STK3: variants seen among roughly 807,000 people sequenced by gnomAD.
The protein encoded by STK3 is serine/threonine-protein kinase 3.
In STK3, 41 loss-of-function variants were observed where a neutral mutation model predicts 58.0. That is an observed-to-expected ratio of 0.71 (90% CI 0.55 to 0.92). The LOEUF is 0.92. STK3 is among the 40% of genes least tolerant of loss of function. The pLI is 0.00. For synonymous variants in STK3, 170 were observed against 191.0 expected (o/e 0.89, Z 0.91); for missense variants, 479 against 602.7 (o/e 0.79, Z 2.15).
chr8:98,396,851 T>C (rs1438085366), downstream of STK3, among the ~76,000 whole-genome samples: 1 of 152,228 alleles, frequency 6.6e-6, no homozygotes, highest in Non-Finnish European at 1.5e-5. Context: ...ATTTAACATG[T>C]TTGACTCTGC....
chr8:98,770,772 T>C (rs1339270267), intron 2 of STK3, among the ~76,000 whole-genome samples: 1 of 151,940 alleles, frequency 6.6e-6, no homozygotes, highest in Non-Finnish European at 1.5e-5. Flanking sequence ...GCTCCTTGAG[T>C]TTAATAGATA....
At chr8:98,691,855 C>T (rs1381759430) in intron 6 of STK3, among the ~76,000 whole-genome samples, 1 of 151,108 alleles carries the variant, frequency 6.6e-6, no homozygotes, top group Non-Finnish European at 1.5e-5. Flanking sequence ...TCGCTTGAAC[C>T]TGGGAGGTGG....
intron 7 of STK3, among the ~76,000 whole-genome samples, chr8:98,587,513 T>G (rs1814753409): frequency 6.6e-6 from 1 of 152,158 alleles, no homozygotes; most frequent in African/African-American, 2.4e-5. Context: ...GAGATTTACT[T>G]CAAAGTATGT....
intron 4 of STK3, among the ~76,000 whole-genome samples, chr8:98,748,160 A>T (rs1829760185): frequency 6.6e-6 from 1 of 152,186 alleles, no homozygotes; most frequent in African/African-American, 2.4e-5. Context: ...TGATAACTTT[A>T]AATACCAAAT....
At chr8:98,440,564 CGTGTGT>C (rs59209840) in intron 1 of STK3, among the ~76,000 whole-genome samples, 1 of 149,940 alleles carries the variant, frequency 6.7e-6, no homozygotes, top group Non-Finnish European at 1.5e-5. Flanking sequence ...TACATAAGCA[CGTGTGT>C]GTGTGTGTGT....
In STK3 at chr8:98,375,310, G is replaced by A. The variant is rs115552052; in HGVS notation, n.112-3632C>T. ...AAAAAAAACCTATTATACTTAGCTAGTGCAATAAGACAAGAAAAAGAAATG... is the reference window on the plus strand; with the variant it reads ...AAAAAAAACCTATTATACTTAGCTAATGCAATAAGACAAGAAAAAGAAATG... On this transcript the variant is annotated intron_variant and non_coding_transcript_variant, in intron 2 of 2. Coordinates refer to the STK3 transcript ENST00000518704. 9.3e-3 allele frequency among the ~76,000 whole-genome samples: 1,401 copies of A among 150,644 alleles called. 23 individuals are homozygous for A. The highest frequency in any genetic ancestry group is 0.032 in the African/African-American group (1,310 of 41,188).
At chr8:98,928,338 G>A (rs1170968612) in intron 1 of STK3, among the ~76,000 whole-genome samples, 2 of 152,170 alleles carry the variant, frequency 1.3e-5, no homozygotes, top group Non-Finnish European at 2.9e-5. Flanking sequence ...TGGATTTATA[G>A]CATACTGCAA....
At chr8:98,907,393 G>A (rs1327311407) in intron 1 of STK3, among the ~76,000 whole-genome samples, 1 of 151,708 alleles carries the variant, frequency 6.6e-6, no homozygotes, top group Non-Finnish European at 1.5e-5. Context: ...ACCACCTGTA[G>A]TCCCAGCTAC....
At chr8:98,903,222 A>G (rs1219169147) in intron 1 of STK3, among the ~76,000 whole-genome samples, 1 of 152,254 alleles carries the variant, frequency 6.6e-6, no homozygotes, top group African/African-American at 2.4e-5. Context: ...ATGAAAACAC[A>G]TAATTGCTTA....
chr8:98,865,972 C>T (rs1291771370), intron 3 of STK3, among the ~76,000 whole-genome samples: 2 of 152,362 alleles, frequency 1.3e-5, no homozygotes, highest in Middle Eastern at 6.8e-3. Context: ...TGGGCAGAGG[C>T]TCTGCAAGCA....
intron 10 of STK3, among the ~76,000 whole-genome samples, chr8:98,500,288 T>C (rs1322029142): frequency 6.6e-6 from 1 of 152,112 alleles, no homozygotes; most frequent in Non-Finnish European, 1.5e-5. Flanking sequence ...TCCCAGCACT[T>C]TGGGAGGCCG....
rs781188609 is a variant in STK3, at chr8:98,936,583, A to G, written c.-79+5795T>C. Among the ~76,000 whole-genome samples, 7 of 152,212 alleles carry G rather than the reference A, an allele frequency of 4.6e-5. No individual in the cohort carries two copies. In the East Asian group the frequency reaches 7.7e-4, roughly 17 times the overall value. On this transcript the variant is annotated intron_variant, in intron 1 of 1. Transcript: ENST00000519420. ...ATATTCCAGGTCACTCCCAGGCCAT[A>G]TGGCTTGTCAAGAGAATGTGGTCAA...
At chr8:98,904,646 C>A (rs1007738570) in intron 1 of STK3, 3 of 626,918 alleles carry the variant, frequency 4.8e-6, no homozygotes, top group South Asian at 2.7e-5. Context: ...CCGTTCATAC[C>A]GGGCCATGTC....
At chr8:98,497,020 G>T (rs1823189021) in intron 10 of STK3, among the ~76,000 whole-genome samples, 1 of 151,996 alleles carries the variant, frequency 6.6e-6, no homozygotes, top group African/African-American at 2.4e-5. Context: ...GAACAAAGTT[G>T]GTGGACACAC....
intron 10 of STK3, among the ~76,000 whole-genome samples, chr8:98,524,548 C>T (rs1825608146): frequency 6.6e-6 from 1 of 152,142 alleles, no homozygotes; most frequent in African/African-American, 2.4e-5. Flanking sequence ...TTTCAGTGTA[C>T]AAGTCTTTTA....
At chr8:98,723,228 G>C (rs118042458) in intron 4 of STK3, among the ~76,000 whole-genome samples, 4,804 of 152,042 alleles carry the variant, frequency 0.032, 113 homozygotes, top group Non-Finnish European at 0.047. Context: ...CAGCAATCAG[G>C]GATAAAAGTA....
intron 6 of STK3, among the ~76,000 whole-genome samples, chr8:98,655,351 C>T (rs1004757473): frequency 2.6e-5 from 4 of 152,206 alleles, no homozygotes; most frequent in Admixed American, 6.5e-5. Flanking sequence ...GGATTAAAGA[C>T]TTACATGTTA....
chr8:98,819,677 C>T (rs1402251485), intron 1 of STK3, among the ~76,000 whole-genome samples: 1 of 152,166 alleles, frequency 6.6e-6, no homozygotes, highest in Non-Finnish European at 1.5e-5. Flanking sequence ...TAGGGCCTTC[C>T]TCTGAGTCTG....
At chr8:98,515,110 C>T (rs1824828424) in intron 10 of STK3, among the ~76,000 whole-genome samples, 2 of 152,064 alleles carry the variant, frequency 1.3e-5, no homozygotes, top group Admixed American at 1.3e-4. Flanking sequence ...CCTTAATCCA[C>T]TTTTAACAAT....
Sources: allele counts gnomAD v4.1 joint callset (sites outside exome capture counted in the v4.1 genomes callset), GRCh38; gene constraint gnomAD v4.1.1; transcripts MANE v1.5; gene names NCBI Gene and HGNC (gene_info 2026-07-23, HGNC 2026-07-21).